Variants in PRKDC observed in about 807,000 individuals in gnomAD.
PRKDC encodes the protein protein kinase, DNA-activated, catalytic subunit, also known as DNA-dependent protein kinase catalytic subunit.
In PRKDC, 82 loss-of-function variants were observed where a neutral mutation model predicts 486.9. That is an observed-to-expected ratio of 0.17 (90% CI 0.14 to 0.20). PRKDC has a LOEUF of 0.20. Ranked by LOEUF, PRKDC falls within the 10% of genes least tolerant of loss-of-function variation. The probability of loss-of-function intolerance (pLI) is 1.00; values close to 1 mark genes in which losing one functional copy is unlikely to be tolerated. For synonymous variants in PRKDC, 1,895 were observed against 1,837.0 expected (o/e 1.03, Z -0.81); for missense variants, 4,504 against 5,038.2 (o/e 0.89, Z 3.21).
chr8:47,905,553 C>T (rs912972948), intron 25 of PRKDC, among the ~76,000 whole-genome samples: 3 of 152,018 alleles, frequency 2.0e-5, no homozygotes, highest in African/African-American at 7.3e-5. Context: ...AAATAACAAC[C>T]CTGTGGTTCC....
intron 74 of PRKDC, among the ~76,000 whole-genome samples, chr8:47,792,642 C>T (rs192120180): frequency 2.0e-5 from 3 of 151,940 alleles, no homozygotes; most frequent in African/African-American, 7.3e-5. Context: ...AATGATAAAT[C>T]CTTGAAGTGA....
intron 40 of PRKDC, among the ~76,000 whole-genome samples, chr8:47,876,868 T>C (rs2089102142): frequency 6.6e-6 from 1 of 152,112 alleles, no homozygotes; most frequent in Non-Finnish European, 1.5e-5. Flanking sequence ...TTCAGGGCAA[T>C]CATCATAAAT....
intron 36 of PRKDC, among the ~76,000 whole-genome samples, chr8:47,885,124 T>C (rs779962983): frequency 1.1e-4 from 16 of 152,256 alleles, no homozygotes; most frequent in Non-Finnish European, 1.9e-4. Context: ...AAACAATCAA[T>C]GTTTTAACAT....
At chr8:47,947,980 G>A (rs1469728943) in intron 7 of PRKDC, among the ~76,000 whole-genome samples, 2 of 151,806 alleles carry the variant, frequency 1.3e-5, no homozygotes, top group South Asian at 2.1e-4. Context: ...ACTTGGGGAG[G>A]ACCACGGTGG....
At chr8:47,784,754 C>T (rs1440176122) in intron 77 of PRKDC, among the ~76,000 whole-genome samples, 1 of 151,466 alleles carries the variant, frequency 6.6e-6, no homozygotes, top group Non-Finnish European at 1.5e-5. Flanking sequence ...GTGTACACAT[C>T]CCAGGAAGTA....
chr8:47,944,719 T>C (rs1473680900), intron 7 of PRKDC, among the ~76,000 whole-genome samples: 1 of 152,204 alleles, frequency 6.6e-6, no homozygotes, highest in Admixed American at 6.5e-5. Context: ...CATGCTTTAT[T>C]CATCACTAAT....
intron 16 of PRKDC, 54 bp from the exon 17 acceptor site, chr8:47,930,841 CAACA>C: frequency 6.8e-7 from 1 of 1,473,508 alleles, no homozygotes; most frequent in Non-Finnish European, 9.1e-7. Context: ...ACGAATCACT[CAACA>C]AATAACTTTC....
Position 47,915,321 on chromosome 8 carries a change from A to C in PRKDC, c.2617+7T>G. The stretch of plus-strand genomic sequence containing the variant: ...TACAGAGGTTATTTATTTTAAAAGA[A>C]GTTTACCTGTCAGAAGATTTTTGTT... On this transcript the variant is annotated splice_region_variant and intron_variant, in intron 23 of 85. Coordinates refer to ENST00000314191, the MANE Select transcript of PRKDC (RefSeq NM_006904.7). 1 of 1,480,338 alleles carries C rather than the reference A, an allele frequency of 6.8e-7. No individual in the cohort carries two copies. The allele number at this position is 1,480,338 out of a possible 1,614,324, so 91.7% of individuals were successfully genotyped here.
At position 47,773,139 on chromosome 8, in the gene PRKDC, A is replaced by T. The variant is rs2086549158; in HGVS notation, c.*1034T>A. The T allele has an allele frequency of 4.9e-6, 1 of 204,452 alleles. No homozygotes were observed. Among genetic ancestry groups the T allele is most frequent in the Non-Finnish European group, 1.0e-5 (1 of 98,668 alleles). The allele number at this position is 204,452 out of a possible 1,614,324, so 12.7% of individuals were successfully genotyped here. ...TGGAAAAAAACTTTATTAAACACTC[A>T]AGAGTATACTTCTCAAAATCACAGA... On this transcript the variant is annotated 3_prime_UTR_variant, in exon 86 of 86. Coordinates refer to ENST00000314191, the MANE Select transcript of PRKDC (RefSeq NM_006904.7).
intron 73 of PRKDC, among the ~76,000 whole-genome samples, chr8:47,796,143 T>G (rs1236885215): frequency 6.6e-6 from 1 of 152,022 alleles, no homozygotes; most frequent in East Asian, 1.9e-4. Flanking sequence ...TCCGCCCACC[T>G]CGGCCTCCCA....
chr8:47,945,066 T>C (rs1391181573), intron 7 of PRKDC, among the ~76,000 whole-genome samples: 1 of 151,936 alleles, frequency 6.6e-6, no homozygotes, highest in Non-Finnish European at 1.5e-5. Context: ...AGATAGAAAA[T>C]AGTCATGTTA....
intron 58 of PRKDC, 61 bp from the exon 59 acceptor site, chr8:47,834,457 G>C (rs1434671495): frequency 1.3e-6 from 2 of 1,556,998 alleles, no homozygotes; most frequent in Non-Finnish European, 1.8e-6. Context: ...GCACGGGGCA[G>C]GACCACCTGC....
At chr8:47,794,760 G>C (rs1019115582) in intron 73 of PRKDC, among the ~76,000 whole-genome samples, 1 of 152,180 alleles carries the variant, frequency 6.6e-6, no homozygotes, top group Non-Finnish European at 1.5e-5. Flanking sequence ...CAGATGTATA[G>C]AAAAATCTTC....
intron 69 of PRKDC, among the ~76,000 whole-genome samples, chr8:47,806,023 G>A (rs373204608): frequency 1.6e-4 from 24 of 152,138 alleles, no homozygotes; most frequent in African/African-American, 4.1e-4. Flanking sequence ...GCAGTCTCCC[G>A]CCCTCTGCAA....
At chr8:47,840,437 G>T (rs758221110) in intron 54 of PRKDC, among the ~76,000 whole-genome samples, 2 of 152,180 alleles carry the variant, frequency 1.3e-5, no homozygotes, top group Non-Finnish European at 2.9e-5. Context: ...TTGGTGAAAT[G>T]GAAGTAAAGT....
In PRKDC at chr8:47,930,790, T is replaced by A. The variant is rs1589800572; in HGVS notation, c.1777-3A>T. ...ACACCAGGCGCCTCATCTCCATTCTTAAAGAGTAATTGTAGCAAAGAAACA... is the reference window on the plus strand; with the variant it reads ...ACACCAGGCGCCTCATCTCCATTCTAAAAGAGTAATTGTAGCAAAGAAACA... On this transcript the variant is annotated splice_polypyrimidine_tract_variant and splice_region_variant and intron_variant, in intron 16 of 85. Transcript: ENST00000314191. The A allele has an allele frequency of 1.3e-6, 2 of 1,560,720 alleles. No homozygotes were observed. The highest frequency in any genetic ancestry group is 4.7e-5 in the East Asian group (2 of 42,696).
intron 36 of PRKDC, among the ~76,000 whole-genome samples, chr8:47,885,426 T>A (rs752926286): frequency 2.0e-5 from 3 of 151,968 alleles, no homozygotes; most frequent in Admixed American, 2.0e-4. Flanking sequence ...GTGCTGGGAT[T>A]ACAGGCATGA....
chr8:47,902,962 G>C (rs2089715342), intron 26 of PRKDC, among the ~76,000 whole-genome samples, 167 bp from the exon 27 acceptor site: 1 of 152,120 alleles, frequency 6.6e-6, no homozygotes, highest in Non-Finnish European at 1.5e-5. Flanking sequence ...AGTGTATCCA[G>C]AATCTAGGCT....
chr8:47,790,550 A>G (rs1282883139), intron 74 of PRKDC, among the ~76,000 whole-genome samples: 1 of 152,240 alleles, frequency 6.6e-6, no homozygotes, highest in Non-Finnish European at 1.5e-5. Flanking sequence ...CAGACATAGG[A>G]AAAATAATCC....
Sources: allele counts gnomAD v4.1 joint callset (sites outside exome capture counted in the v4.1 genomes callset), GRCh38; gene constraint gnomAD v4.1.1; transcripts MANE v1.5; gene names NCBI Gene and HGNC (gene_info 2026-07-23, HGNC 2026-07-21).